DYM: variants seen among roughly 807,000 people sequenced by gnomAD.
DYM encodes dymeclin, also known as dyggve-Melchior-Clausen syndrome protein.
In DYM, 78 loss-of-function variants were observed where a neutral mutation model predicts 93.1. The ratio of observed to expected loss-of-function variants is 0.84; its 90% confidence interval spans 0.70 to 1.01. The LOEUF is 1.01. DYM is among the 50% of genes least tolerant of loss of function. DYM has a pLI of 0.00. For missense variants in DYM, 789 were observed against 845.0 expected (o/e 0.93, Z 0.82); for synonymous variants, 321 against 319.7 (o/e 1.00, Z -0.04).
At position 49,417,703 on chromosome 18, in the gene DYM, G is replaced by C. The variant is rs141266247; in HGVS notation, c.140+12552C>G. ...AAGGGATATATGTGCATATTTGTTT[G>C]CATATGCATAAAATGCAATTCTTCT... On this transcript the variant is annotated intron_variant, in intron 2 of 17. Coordinates refer to ENST00000675505, the MANE Select transcript of DYM (RefSeq NM_001353214.3). Among the ~76,000 whole-genome samples, 12 of 152,280 alleles carry C rather than the reference G, an allele frequency of 7.9e-5. No homozygotes were observed. In the East Asian group the frequency reaches 1.7e-3, roughly 22 times the overall value.
chr18:49,265,274 T>A (rs900531039), intron 11 of DYM, among the ~76,000 whole-genome samples: 1 of 152,200 alleles, frequency 6.6e-6, no homozygotes, highest in Non-Finnish European at 1.5e-5. Context: ...GACTGAATCC[T>A]GCCTTACCTG....
At chr18:49,143,605 T>C (rs898853590) in intron 15 of DYM, among the ~76,000 whole-genome samples, 1 of 152,150 alleles carries the variant, frequency 6.6e-6, no homozygotes, top group Non-Finnish European at 1.5e-5. Context: ...AAAGGTTAAA[T>C]ATAGTTCTTT....
intron 17 of DYM, among the ~76,000 whole-genome samples, chr18:49,075,002 G>A (rs34125642): frequency 0.26 from 38,932 of 152,026 alleles, 5,733 homozygotes; most frequent in Non-Finnish European, 0.35. Context: ...GGAAGGGGCT[G>A]CTGATAAGCA....
intron 15 of DYM, among the ~76,000 whole-genome samples, chr18:49,136,383 T>C (rs190750274): frequency 6.6e-6 from 1 of 152,322 alleles, no homozygotes; most frequent in Admixed American, 6.5e-5. Flanking sequence ...TATGATTACA[T>C]GGTTTTAAAA....
chr18:49,106,756 A>G (rs1163247884), intron 16 of DYM, among the ~76,000 whole-genome samples: 1 of 152,098 alleles, frequency 6.6e-6, no homozygotes, highest in Non-Finnish European at 1.5e-5. Context: ...TGGCTTGGAG[A>G]GTTTCTGCCG....
At chr18:49,096,383 A>G (rs542487904) in intron 17 of DYM, among the ~76,000 whole-genome samples, 7 of 152,330 alleles carry the variant, frequency 4.6e-5, no homozygotes, top group South Asian at 2.1e-4. Flanking sequence ...TCCTACAACA[A>G]TATCTCTCAA....
At chr18:49,440,268 G>A (rs980644372) in intron 1 of DYM, among the ~76,000 whole-genome samples, 5 of 138,404 alleles carry the variant, frequency 3.6e-5, no homozygotes, top group Non-Finnish European at 4.6e-5. Flanking sequence ...CCCTTCTCAG[G>A]CTGATAATCC....
chr18:49,171,992 A>G (rs537552263), intron 14 of DYM, among the ~76,000 whole-genome samples: 18 of 152,324 alleles, frequency 1.2e-4, no homozygotes, highest in African/African-American at 3.8e-4. Flanking sequence ...CATTACCCCA[A>G]AAAGTTTCCT....
intron 17 of DYM, among the ~76,000 whole-genome samples, chr18:49,076,985 T>C (rs566883858): frequency 6.6e-6 from 1 of 152,348 alleles, no homozygotes; most frequent in African/African-American, 2.4e-5. Context: ...TATGGTGCCC[T>C]GCACAACACG....
chr18:49,076,042 C>A (rs1310051486), intron 17 of DYM, among the ~76,000 whole-genome samples: 1 of 152,194 alleles, frequency 6.6e-6, no homozygotes, highest in African/African-American at 2.4e-5. Flanking sequence ...TGTTACTGTA[C>A]AGGCAGTATA....
At chr18:49,246,690 C>CT (rs2094176960) in intron 13 of DYM, among the ~76,000 whole-genome samples, 1 of 152,100 alleles carries the variant, frequency 6.6e-6, no homozygotes, top group Non-Finnish European at 1.5e-5. Context: ...AATTTTATGA[C>CT]TTGTAAATAA....
chr18:49,174,480 A>G (rs920643383), intron 14 of DYM, among the ~76,000 whole-genome samples: 10 of 152,172 alleles, frequency 6.6e-5, no homozygotes, highest in African/African-American at 2.4e-4. Context: ...TCATTACACT[A>G]CTTCATTATC....
At chr18:49,100,097 G>A (rs776380304) in intron 16 of DYM, among the ~76,000 whole-genome samples, 23 of 152,042 alleles carry the variant, frequency 1.5e-4, no homozygotes, top group Non-Finnish European at 2.5e-4. Flanking sequence ...CTCCTCCCTC[G>A]GGATATCTGG....
chr18:49,142,679 A>G (rs1217926692), intron 15 of DYM, among the ~76,000 whole-genome samples: 1 of 152,176 alleles, frequency 6.6e-6, no homozygotes, highest in Non-Finnish European at 1.5e-5. Flanking sequence ...AAGGCAGAGT[A>G]CTTTGTCTAT....
At chr18:49,062,631 C>T (rs926053534) in intron 17 of DYM, among the ~76,000 whole-genome samples, 5 of 152,244 alleles carry the variant, frequency 3.3e-5, no homozygotes, top group Non-Finnish European at 5.9e-5. Context: ...AGAACACACA[C>T]GGGTGGCCAT....
intron 14 of DYM, among the ~76,000 whole-genome samples, chr18:49,191,164 CCCA>C (rs2090937309): frequency 6.6e-6 from 1 of 151,918 alleles, no homozygotes; most frequent in Non-Finnish European, 1.5e-5. Context: ...CTTCAGAATC[CCCA>C]GAAAAGCTTC....
intron 3 of DYM, among the ~76,000 whole-genome samples, chr18:49,389,132 G>C (rs1033272469): frequency 2.0e-5 from 3 of 152,182 alleles, no homozygotes; most frequent in Non-Finnish European, 4.4e-5. Context: ...AAGATTAGCA[G>C]TGATTACACA....
At chr18:49,256,461 A>T (rs368710018) in intron 13 of DYM, among the ~76,000 whole-genome samples, 1 of 152,198 alleles carries the variant, frequency 6.6e-6, no homozygotes, top group South Asian at 2.1e-4. Context: ...ATGGAAACAG[A>T]TTCTCCTTTA....
At chr18:49,058,981 A>G (rs1454594577) in intron 17 of DYM, among the ~76,000 whole-genome samples, 1 of 152,258 alleles carries the variant, frequency 6.6e-6, no homozygotes, top group South Asian at 2.1e-4. Flanking sequence ...AACTTGTACA[A>G]TGAAAAAGCA....
Sources: allele counts gnomAD v4.1 joint callset (sites outside exome capture counted in the v4.1 genomes callset), GRCh38; gene constraint gnomAD v4.1.1; transcripts MANE v1.5; gene names NCBI Gene and HGNC (gene_info 2026-07-23, HGNC 2026-07-21).